Variants in SYT14 observed in about 807,000 individuals in gnomAD.
The protein encoded by SYT14 is synaptotagmin-14.
A neutral mutation model predicts 74.2 loss-of-function variants in SYT14; 32 were observed. That is an observed-to-expected ratio of 0.43 (90% CI 0.33 to 0.58). The LOEUF (loss-of-function observed/expected upper bound fraction) is 0.58. Ranked by LOEUF, SYT14 falls within the 20% of genes least tolerant of loss-of-function variation. The pLI is 0.05. For missense variants in SYT14, 791 were observed against 981.8 expected (o/e 0.81, Z 2.60); for synonymous variants, 298 against 337.7 (o/e 0.88, Z 1.29).
exon 1 of SYT14, chr1:209,938,238 G>T: frequency 6.5e-7 from 1 of 1,543,480 alleles, no homozygotes; most frequent in Non-Finnish European, 8.8e-7. Context: ...CCGCCATCCA[G>T]TTGGTGCGGT....
intron 5 of SYT14, among the ~76,000 whole-genome samples, chr1:210,045,013 A>T (rs2080859318): frequency 6.6e-6 from 1 of 152,148 alleles, no homozygotes. Flanking sequence ...CAACACTGGG[A>T]ATCACTTTTC....
chr1:209,939,717 G>A (rs1055629705), intron 1 of SYT14, among the ~76,000 whole-genome samples: 2 of 152,156 alleles, frequency 1.3e-5, no homozygotes, highest in African/African-American at 4.8e-5. Context: ...TTCTTGTGAA[G>A]CCGTGAAACT....
chr1:209,946,694 C>G (rs767142029), intron 1 of SYT14, among the ~76,000 whole-genome samples: 1 of 152,194 alleles, frequency 6.6e-6, no homozygotes, highest in Non-Finnish European at 1.5e-5. Context: ...AGCAGGTTAT[C>G]CATAAGATCT....
chr1:210,068,469 C>T (rs949038405), intron 5 of SYT14, among the ~76,000 whole-genome samples: 6 of 151,466 alleles, frequency 4.0e-5, no homozygotes, highest in African/African-American at 1.5e-4. Flanking sequence ...GACCATTATA[C>T]GAGATTAAGA....
At chr1:209,987,201 C>A (rs1572116305) in intron 2 of SYT14, among the ~76,000 whole-genome samples, 1 of 152,230 alleles carries the variant, frequency 6.6e-6, no homozygotes, top group African/African-American at 2.4e-5. Context: ...CTGTTACCCA[C>A]TTCCAAAGTT....
intron 7 of SYT14, among the ~76,000 whole-genome samples, chr1:210,120,526 C>A (rs961782415): frequency 6.6e-6 from 1 of 151,966 alleles, no homozygotes; most frequent in African/African-American, 2.4e-5. Flanking sequence ...AAATACTTAC[C>A]ATTGTGTTAC....
Position 209,986,055 on chromosome 1 carries a change from G to A in SYT14, c.-485-27578G>A, listed in dbSNP as rs545730425. ...TGAGACCTTTCTCCCATAGTATTGG[G>A]TATTAGTACTTGGCTCCTTTTTAAT... is the stretch of plus-strand genomic sequence containing the variant. On this transcript the variant is annotated intron_variant, in intron 2 of 9. Coordinates refer to ENST00000637265, the Ensembl canonical transcript of SYT14. Among the ~76,000 whole-genome samples the A allele has an allele frequency of 6.0e-4, 91 of 152,302 alleles. 2 individuals carry two copies. In the South Asian group the frequency reaches 0.019, roughly 32 times the overall value.
intron 5 of SYT14, among the ~76,000 whole-genome samples, chr1:210,032,445 C>A (rs2080560281): frequency 6.6e-6 from 1 of 151,946 alleles, no homozygotes. Flanking sequence ...TCCTCTCTTG[C>A]CAGTAGAAAG....
Position 210,063,492 on chromosome 1 carries a change from A to G in SYT14, c.1313-30830A>G, listed in dbSNP as rs960882954. ...TCTTTTATGGTTATTCTTATTCAAT[A>G]ATTTTTTCAGCTGAACTTTTAGAAT... On this transcript the variant is annotated intron_variant, in intron 5 of 9. Coordinates refer to ENST00000637265, the Ensembl canonical transcript of SYT14. 5.9e-5 allele frequency among the ~76,000 whole-genome samples: 9 copies of G among 151,830 alleles called. No individual in the cohort carries two copies. In the East Asian group the frequency reaches 1.7e-3, roughly 29 times the overall value.
intron 5 of SYT14, among the ~76,000 whole-genome samples, chr1:210,068,296 G>T (rs369939719): frequency 4.6e-5 from 7 of 151,626 alleles, no homozygotes; most frequent in South Asian, 4.2e-4. Flanking sequence ...AATTTGTCAT[G>T]CTGTCTTTTG....
chr1:210,163,833 T>G (rs1338459767), exon 10 of SYT14: 1 of 453,810 alleles, frequency 2.2e-6, no homozygotes, highest in South Asian at 1.6e-5. Flanking sequence ...GCATGAAAGC[T>G]TAATAGCAAA....
chr1:210,167,622 G>A (rs1189846834), exon 10 of SYT14: 1 of 152,160 alleles, frequency 6.6e-6, no homozygotes, highest in Non-Finnish European at 1.5e-5. Flanking sequence ...ATTTGAATAT[G>A]TGAAATAATG....
chr1:210,088,060 C>T (rs548504273), intron 5 of SYT14, among the ~76,000 whole-genome samples: 17 of 151,884 alleles, frequency 1.1e-4, no homozygotes, highest in Middle Eastern at 3.4e-3. Flanking sequence ...CAATTTTATT[C>T]GTGTTTTCAG....
intron 7 of SYT14, among the ~76,000 whole-genome samples, chr1:210,153,275 T>G (rs2083204253): frequency 6.6e-6 from 1 of 152,202 alleles, no homozygotes; most frequent in Non-Finnish European, 1.5e-5. Context: ...CTGTTTGTTG[T>G]GTAGCGTTAC....
rs561269049 is a variant in SYT14, at chr1:210,084,670, A to G, written c.1313-9652A>G. 2.6e-5 allele frequency among the ~76,000 whole-genome samples: 4 copies of G among 152,354 alleles called. 1 individual carries two copies. The South Asian group carries it at 8.3e-4, about 32-fold the overall frequency. ...ATGTATTCCTGTCCTTGCCAGGTGA[A>G]GACAACCTGTTAACTTTTATTCTTT... On this transcript the variant is annotated intron_variant, in intron 5 of 9. Transcript: ENST00000637265.
At chr1:209,946,888 T>A (rs1291838826) in intron 1 of SYT14, among the ~76,000 whole-genome samples, 2 of 152,208 alleles carry the variant, frequency 1.3e-5, no homozygotes, top group African/African-American at 4.8e-5. Flanking sequence ...CTGGTGACTT[T>A]AAGTGGAAGC....
chr1:210,111,934 A>AG (rs1278001834), intron 7 of SYT14, among the ~76,000 whole-genome samples: 8 of 151,110 alleles, frequency 5.3e-5, no homozygotes. Flanking sequence ...AAAGACCATT[A>AG]GTCCATTTTA....
Position 210,115,540 on chromosome 1 carries a change from G to A in SYT14, c.2034+15079G>A, listed in dbSNP as rs1306690987. Among the ~76,000 whole-genome samples, 4 of 151,282 alleles carry A rather than the reference G, an allele frequency of 2.6e-5. No individual in the cohort carries two copies. The East Asian group carries it at 7.7e-4, about 29-fold the overall frequency. ...TCCGTTACCAGCACCGGAGTTTTGG[G>A]TTCATGGATAAAATGTGTCTTCTCT... is the stretch of plus-strand genomic sequence containing the variant. On this transcript the variant is annotated intron_variant, in intron 7 of 9. Transcript: ENST00000637265.
exon 10 of SYT14, chr1:210,163,487 A>G: frequency 2.2e-6 from 1 of 453,772 alleles, no homozygotes; most frequent in South Asian, 1.6e-5. Context: ...CACATACAAC[A>G]TAAATATGTA....
Sources: gnomAD v4.1 joint callset for allele counts (sites outside exome capture counted in the v4.1 genomes callset) on GRCh38, gnomAD v4.1.1 for gene constraint, MANE v1.5 for transcripts, NCBI Gene and HGNC (gene_info 2026-07-23, HGNC 2026-07-21) for gene names.